The following GATA4 variants were observed in gnomAD, a reference collection of about 807,000 sequenced individuals.
GATA4 encodes transcription factor GATA-4.
Under a neutral mutation model 37.9 loss-of-function variants are expected in GATA4, and 7 were observed. The ratio of observed to expected loss-of-function variants is 0.18; its 90% CI spans 0.11 to 0.35. GATA4 has a LOEUF of 0.35. Among genes scored for constraint, GATA4 ranks in the 10% least tolerant of loss-of-function variants. GATA4 has a pLI of 1.00. For synonymous variants in GATA4, 372 were observed against 292.6 expected (o/e 1.27, Z -2.77); for missense variants, 647 against 653.0 (o/e 0.99, Z 0.10).
At chr8:11,703,712 C>T (rs2130036711), upstream of GATA4, among the ~76,000 whole-genome samples, 1 of 152,366 alleles carries the variant, frequency 6.6e-6, no homozygotes. Flanking sequence ...GTCTCCTGAA[C>T]CTCCAAGGAA....
At chr8:11,733,451 C>A (rs1801303500) in intron 2 of GATA4, among the ~76,000 whole-genome samples, 1 of 152,182 alleles carries the variant, frequency 6.6e-6, no homozygotes, top group Non-Finnish European at 1.5e-5. Context: ...CATTGCAGCC[C>A]TGTTGTGTGT....
intron 1 of GATA4, among the ~76,000 whole-genome samples, chr8:11,678,062 A>G (rs1272483410): frequency 1.3e-5 from 2 of 150,302 alleles, no homozygotes; most frequent in Non-Finnish European, 3.0e-5. Context: ...AATAATAAAT[A>G]GGAGTGACAG....
intron 2 of GATA4, among the ~76,000 whole-genome samples, chr8:11,730,692 ACT>A (rs1485974637): frequency 1.3e-5 from 2 of 152,208 alleles, no homozygotes; most frequent in Non-Finnish European, 2.9e-5. Context: ...CCCAGCCAAC[ACT>A]GAGCGCTTAG....
chr8:11,755,435 C>T (rs748932402), intron 5 of GATA4, among the ~76,000 whole-genome samples: 14 of 152,234 alleles, frequency 9.2e-5, no homozygotes, highest in Middle Eastern at 3.2e-3. Flanking sequence ...GAACTTTACT[C>T]GGTCCTTTCA....
chr8:11,747,257 CT>C (rs1209176341), intron 2 of GATA4, among the ~76,000 whole-genome samples: 2 of 152,312 alleles, frequency 1.3e-5, no homozygotes, highest in East Asian at 3.9e-4. Flanking sequence ...GTGAGCCAGG[CT>C]TTATAGAGAC....
Position 11,758,527 on chromosome 8 carries a change from A to G in GATA4, c.*52A>G. ...TGCACGGACCTGGGACTTGGAGGATAGCAAAGAAGGAGGCCCTGGGCTCCC... is the reference window on the plus strand; with the variant it reads ...TGCACGGACCTGGGACTTGGAGGATGGCAAAGAAGGAGGCCCTGGGCTCCC... On this transcript the variant is annotated 3_prime_UTR_variant, in exon 7 of 7. Transcript: ENST00000532059. 6.3e-7 allele frequency: 1 copy of G among 1,595,656 alleles called. No individual in the cohort carries two copies. The highest frequency in any genetic ancestry group is 1.1e-5 in the South Asian group (1 of 90,664).
chr8:11,712,745 C>G (rs1396629356), intron 2 of GATA4, among the ~76,000 whole-genome samples: 1 of 150,674 alleles, frequency 6.6e-6, no homozygotes, highest in Non-Finnish European at 1.5e-5. Flanking sequence ...CCTATAACTC[C>G]AGCAACTCAG....
chr8:11,741,521 A>G (rs982067971), intron 2 of GATA4, among the ~76,000 whole-genome samples: 13 of 152,162 alleles, frequency 8.5e-5, no homozygotes, highest in Admixed American at 5.2e-4. Context: ...GAGCAATGCA[A>G]CAGTCCACAA....
At chr8:11,711,384 G>A (rs370325062) in intron 2 of GATA4, among the ~76,000 whole-genome samples, 15 of 152,164 alleles carry the variant, frequency 9.9e-5, no homozygotes, top group African/African-American at 3.1e-4. Context: ...GGAGAGGTGC[G>A]GCTCTCTGTG....
chr8:11,680,812 G>T, intron 1 of GATA4: 1 of 985,334 alleles, frequency 1.0e-6, no homozygotes. Context: ...TCACCCCGAC[G>T]CCTCGGTCCC....
intron 2 of GATA4, among the ~76,000 whole-genome samples, chr8:11,727,595 C>A (rs1027577219): frequency 3.3e-5 from 5 of 151,988 alleles, no homozygotes; most frequent in African/African-American, 1.2e-4. Context: ...GTAATCCCAG[C>A]GCTTTGGGAG....
chr8:11,754,182 C>A (rs1006261374), intron 4 of GATA4, among the ~76,000 whole-genome samples: 59 of 152,156 alleles, frequency 3.9e-4, no homozygotes, highest in African/African-American at 1.4e-3. Context: ...GCTGTTGAGG[C>A]CAATTTTCCC....
At chr8:11,710,096 A>T (rs1376356329) in intron 2 of GATA4, among the ~76,000 whole-genome samples, 2 of 152,110 alleles carry the variant, frequency 1.3e-5, no homozygotes, top group African/African-American at 4.8e-5. Flanking sequence ...GGCTCCGAGA[A>T]GGGCCTAGGC....
At chr8:11,730,987 G>A (rs752586008) in intron 2 of GATA4, among the ~76,000 whole-genome samples, 28 of 152,254 alleles carry the variant, frequency 1.8e-4, no homozygotes, top group African/African-American at 2.9e-4. Flanking sequence ...CTGTCAGGGC[G>A]AGCTTCTCGG....
At chr8:11,742,350 T>C (rs1563222234) in intron 2 of GATA4, among the ~76,000 whole-genome samples, 1 of 151,202 alleles carries the variant, frequency 6.6e-6, no homozygotes, top group Non-Finnish European at 1.5e-5. Flanking sequence ...CTCTCTACGT[T>C]CCCCCCTCCC....
chr8:11,701,420 G>T (rs972719482), upstream of GATA4, among the ~76,000 whole-genome samples: 1 of 152,064 alleles, frequency 6.6e-6, no homozygotes, highest in African/African-American at 2.4e-5. Flanking sequence ...GCACCCACCC[G>T]CTGCCCCCCT....
chr8:11,690,143 C>T (rs1799263783), upstream of GATA4, among the ~76,000 whole-genome samples: 1 of 152,218 alleles, frequency 6.6e-6, no homozygotes, highest in Admixed American at 6.5e-5. Flanking sequence ...CATAATCACC[C>T]ACCAATGGAG....
Position 11,758,608 on chromosome 8 carries a change from T to A in GATA4, c.*133T>A. 1.2e-6 allele frequency: 1 copy of A among 869,252 alleles called. No individual in the cohort carries two copies. The allele number at this position is 869,252 out of a possible 1,614,324, so 53.8% of individuals were successfully genotyped here. On this transcript the variant is annotated 3_prime_UTR_variant, in exon 7 of 7. Coordinates refer to ENST00000532059, the MANE Select transcript of GATA4 (RefSeq NM_001308093.3). ...TCCAGAACAACAACTGGGAAGAAAC[T>A]TGAAGTCGACAATCTGGTTAGGGGA...
At chr8:11,734,546 G>A (rs1293157909) in intron 2 of GATA4, among the ~76,000 whole-genome samples, 1 of 152,172 alleles carries the variant, frequency 6.6e-6, no homozygotes, top group Non-Finnish European at 1.5e-5. Context: ...GAATGCAATG[G>A]CGCAACCTCG....
Sources: gnomAD v4.1 joint callset for allele counts (sites outside exome capture counted in the v4.1 genomes callset) on GRCh38, gnomAD v4.1.1 for gene constraint, MANE v1.5 for transcripts, NCBI Gene and HGNC (gene_info 2026-07-23, HGNC 2026-07-21) for gene names.